The following MCPH1 variants were observed in gnomAD, a reference collection of about 807,000 sequenced individuals.
The protein encoded by MCPH1 is microcephalin.
A neutral mutation model predicts 84.5 loss-of-function variants in MCPH1; 104 were observed. The ratio of observed to expected loss-of-function variants is 1.23; its 90% CI spans 1.05 to 1.45. MCPH1 has a LOEUF of 1.45. Ranked by LOEUF, MCPH1 falls within the 40% of genes most tolerant of loss-of-function variation. The probability of loss-of-function intolerance (pLI) is 0.00; values close to 1 mark genes in which losing one functional copy is unlikely to be tolerated. For synonymous variants in MCPH1, 514 were observed against 366.8 expected (o/e 1.40, Z -4.58); for missense variants, 1,498 against 1,005.7 (o/e 1.49, Z -6.62).
In MCPH1 at chr8:6,583,098, C is replaced by T. The variant is rs190713965; in HGVS notation, c.2215-38356C>T. On this transcript the variant is annotated intron_variant, in intron 12 of 13. Coordinates refer to ENST00000344683, the MANE Select transcript of MCPH1 (RefSeq NM_024596.5). ...CTGGGGTAAAAATGCTGCTTTTCATCTTGGCAATCTCTATCCTAACCAGCA... is the reference window on the plus strand; with the variant it reads ...CTGGGGTAAAAATGCTGCTTTTCATTTTGGCAATCTCTATCCTAACCAGCA... 4.1e-4 allele frequency among the ~76,000 whole-genome samples: 62 copies of T among 152,280 alleles called. No individual in the cohort carries two copies. In the East Asian group the frequency reaches 0.01, roughly 25 times the overall value.
At chr8:6,491,413 T>A (rs1216259115) in intron 11 of MCPH1, among the ~76,000 whole-genome samples, 1 of 151,262 alleles carries the variant, frequency 6.6e-6, no homozygotes, top group African/African-American at 2.4e-5. Context: ...AGATTATTAT[T>A]AGGACAGAAG....
chr8:6,430,346 G>A (rs755781826), intron 3 of MCPH1, among the ~76,000 whole-genome samples: 4 of 152,044 alleles, frequency 2.6e-5, no homozygotes, highest in South Asian at 2.1e-4. Flanking sequence ...GTTTTGCTTC[G>A]GAAAATTCCA....
chr8:6,599,135 A>G (rs1829165734), intron 12 of MCPH1, among the ~76,000 whole-genome samples: 1 of 152,226 alleles, frequency 6.6e-6, no homozygotes, highest in African/African-American at 2.4e-5. Context: ...TTCCACGGTC[A>G]TGAGTAGGAA....
rs1366117973 is a variant in MCPH1 at position 6,445,253 on chromosome 8, A to G, written c.1531A>G (p.Arg511Gly). 6.2e-7 allele frequency: 1 copy of G among 1,614,216 alleles called. No individual in the cohort carries two copies. The highest frequency in any genetic ancestry group is 8.5e-7 in the Non-Finnish European group (1 of 1,180,034). The change falls in exon 8 of 14, where the codon AGA becomes GGA. Residue 511 changes from arginine (R) to glycine (G), a missense_variant. Arg to Gly is a moderately radical substitution (Grantham distance 125). Transcript: ENST00000344683. Reference protein sequence around the residue: ...SAPEEALRCCRQAGKEDACPE... With the variant: ...SAPEEALRCCGQAGKEDACPE... The stretch of plus-strand genomic sequence containing the variant: ...CCCTGAAGAAGCCCTAAGGTGTTGT[A>G]GACAGGCTGGGAAAGAAGACGCATG...
chr8:6,584,970 A>G (rs145300320), intron 12 of MCPH1, among the ~76,000 whole-genome samples: 211 of 152,318 alleles, frequency 1.4e-3, no homozygotes, highest in African/African-American at 4.7e-3. Flanking sequence ...CGAATTGGCA[A>G]TTTTGATTAG....
At chr8:6,494,363 T>C (rs952522098) in intron 11 of MCPH1, 1 of 152,220 alleles carries the variant, frequency 6.6e-6, no homozygotes, top group Non-Finnish European at 1.5e-5. Context: ...TAAACCTTGA[T>C]ATGGGCATTC....
At chr8:6,560,584 G>A (rs1446947647) in intron 12 of MCPH1, among the ~76,000 whole-genome samples, 3 of 152,106 alleles carry the variant, frequency 2.0e-5, no homozygotes, top group Admixed American at 6.5e-5. Flanking sequence ...GAACAGGTGT[G>A]GAGCCCGTGA....
intron 3 of MCPH1, among the ~76,000 whole-genome samples, chr8:6,430,461 G>C (rs1280326487): frequency 6.6e-6 from 1 of 152,220 alleles, no homozygotes; most frequent in Non-Finnish European, 1.5e-5. Context: ...AAGGGGGTCA[G>C]GGATGCCAGG....
At chr8:6,504,056 C>T (rs912873165) in intron 12 of MCPH1, among the ~76,000 whole-genome samples, 2 of 152,174 alleles carry the variant, frequency 1.3e-5, no homozygotes, top group Admixed American at 6.5e-5. Context: ...CAGTGGCTCA[C>T]GCCTGTAATC....
At chr8:6,486,971 A>T (rs140426042) in intron 11 of MCPH1, among the ~76,000 whole-genome samples, 1 of 152,156 alleles carries the variant, frequency 6.6e-6, no homozygotes, top group Admixed American at 6.5e-5. Context: ...CCTTTTGTGG[A>T]TGCTAACATA....
At chr8:6,601,753 A>G (rs1357723187) in intron 12 of MCPH1, among the ~76,000 whole-genome samples, 1 of 6,172 alleles carries the variant, frequency 1.6e-4, no homozygotes, top group Non-Finnish European at 5.1e-4. Context: ...TACCCACACC[A>G]CACACACACA....
Position 6,646,033 on chromosome 8 carries a change from A to G in MCPH1, c.*2984A>G, listed in dbSNP as rs1798201457. On this transcript the variant is annotated 3_prime_UTR_variant, in exon 14 of 14. Transcript: ENST00000344683. ...AAGCTGATGCTAAATCTTTTATGAA[A>G]ATGCAAAGAACCTCTAGTAGACAAA... 6.6e-6 allele frequency: 1 copy of G among 152,212 alleles called. No homozygotes were observed. Among genetic ancestry groups the G allele is most frequent in the Non-Finnish European group, 1.5e-5 (1 of 68,038 alleles). 9.4% of individuals were successfully genotyped at this position (152,212 alleles called of 1,614,324 possible).
intron 11 of MCPH1, among the ~76,000 whole-genome samples, chr8:6,489,613 G>C (rs1267539331): frequency 6.6e-6 from 1 of 152,192 alleles, no homozygotes; most frequent in Non-Finnish European, 1.5e-5. Context: ...TGCTGAGTTA[G>C]GGATTATTAT....
intron 12 of MCPH1, among the ~76,000 whole-genome samples, chr8:6,519,164 A>C (rs1816838777): frequency 6.6e-6 from 1 of 152,208 alleles, no homozygotes; most frequent in Non-Finnish European, 1.5e-5. Context: ...GCGTTAGATG[A>C]GGTTAGAATC....
intron 12 of MCPH1, among the ~76,000 whole-genome samples, chr8:6,576,048 T>A (rs2515517): frequency 0.28 from 1,281 of 4,508 alleles, 230 homozygotes; most frequent in East Asian, 0.33. Flanking sequence ...AATACAGCCT[T>A]AAAAAAAAAA....
intron 6 of MCPH1, among the ~76,000 whole-genome samples, chr8:6,439,327 C>T (rs1206817815): frequency 1.3e-5 from 2 of 148,362 alleles, no homozygotes; most frequent in Non-Finnish European, 3.0e-5. Flanking sequence ...GTTGTAGCTC[C>T]TTTGTAATTT....
intron 12 of MCPH1, among the ~76,000 whole-genome samples, chr8:6,533,625 T>C (rs1198025177): frequency 8.0e-5 from 12 of 149,558 alleles, no homozygotes; most frequent in African/African-American, 2.9e-4. Flanking sequence ...ATTCTTCCAT[T>C]CCCTGGTCCA....
At chr8:6,639,873 GC>G (rs1797813110) in intron 13 of MCPH1, among the ~76,000 whole-genome samples, 1 of 151,834 alleles carries the variant, frequency 6.6e-6, no homozygotes, top group African/African-American at 2.4e-5. Context: ...TAATTTATGT[GC>G]TTTCTGTTAT....
chr8:6,541,761 T>C (rs1821620025), intron 12 of MCPH1, among the ~76,000 whole-genome samples: 1 of 152,112 alleles, frequency 6.6e-6, no homozygotes, highest in South Asian at 2.1e-4. Flanking sequence ...CCCAATACTT[T>C]AGGGGGCCAA....
Sources: gnomAD v4.1 joint callset for allele counts (sites outside exome capture counted in the v4.1 genomes callset) on GRCh38, gnomAD v4.1.1 for gene constraint, MANE v1.5 for transcripts, NCBI Gene and HGNC (gene_info 2026-07-23, HGNC 2026-07-21) for gene names.